CAGE1: variants seen among roughly 807,000 people sequenced by gnomAD.
CAGE1 encodes cancer antigen 1, also known as cancer-associated gene 1 protein.
A neutral mutation model predicts 94.9 loss-of-function variants in CAGE1; 66 were observed. The observed-to-expected ratio is 0.70, with a 90% CI of 0.57 to 0.85. The LOEUF is 0.85. CAGE1 is among the 40% of genes least tolerant of loss of function. CAGE1 has a pLI of 0.00. For synonymous variants in CAGE1, 319 were observed against 321.0 expected (o/e 0.99, Z 0.07); for missense variants, 865 against 950.4 (o/e 0.91, Z 1.18).
intron 7 of CAGE1, among the ~76,000 whole-genome samples, chr6:7,366,173 G>A (rs1381503188): frequency 6.6e-6 from 1 of 151,082 alleles, no homozygotes; most frequent in African/African-American, 2.4e-5. Flanking sequence ...TTGAACCTGG[G>A]AGGCGGAGGT....
At chr6:7,389,094 AC>A (rs993362823) in intron 1 of CAGE1, 107 bp downstream of exon 1, 1 of 342,686 alleles carries the variant, frequency 2.9e-6, no homozygotes, top group Non-Finnish European at 5.9e-6. Flanking sequence ...TGTTCCAGAG[AC>A]ATTCTAAAGC....
chr6:7,387,351 G>A (rs768418349), intron 1 of CAGE1, among the ~76,000 whole-genome samples, 155 bp from the exon 2 acceptor site: 41 of 152,128 alleles, frequency 2.7e-4, no homozygotes, highest in Non-Finnish European at 4.4e-5. Context: ...TGAGTATACC[G>A]TAATTTGGTA....
intron 12 of CAGE1, among the ~76,000 whole-genome samples, chr6:7,333,199 C>T (rs893115215): frequency 1.7e-4 from 26 of 152,110 alleles, no homozygotes; most frequent in African/African-American, 6.3e-4. Flanking sequence ...GATTCACCCG[C>T]CTCAGTCTCC....
Position 7,387,003 on chromosome 6 carries a change from G to A in CAGE1, c.171C>T (p.Thr57=), listed in dbSNP as rs9406026. 542,710 of 1,549,774 alleles carry A rather than the reference G, an allele frequency of 0.35. 96,420 individuals carry two copies. Among genetic ancestry groups the A allele is most frequent in the Admixed American group, 0.46 (23,263 of 50,984 alleles). Residue 57 remains threonine, a synonymous_variant, in exon 2 of 14, where the codon ACC becomes ACT. Coordinates refer to ENST00000502583, the MANE Select transcript of CAGE1 (RefSeq NM_001170692.2). ...LSHSPICMET[T]GTTCDLPQNE... Reference sequence around the variant, plus strand: ...CCTGAGGCAAGTCACAAGTGGTGCCGGTGGTTTCCATACAGATTGGAGAAT... The same window carrying A: ...CCTGAGGCAAGTCACAAGTGGTGCCAGTGGTTTCCATACAGATTGGAGAAT...
intron 12 of CAGE1, 144 bp from the exon 13 acceptor site, chr6:7,330,032 C>T (rs978833557): frequency 1.8e-6 from 1 of 567,002 alleles, no homozygotes; most frequent in African/African-American, 1.9e-5. Flanking sequence ...CTATGAGACC[C>T]TCAGAGATTA....
intron 11 of CAGE1, among the ~76,000 whole-genome samples, chr6:7,342,348 C>T (rs536259887): frequency 6.6e-6 from 1 of 152,266 alleles, no homozygotes; most frequent in East Asian, 1.9e-4. Context: ...ATTCTTCCAG[C>T]GGCAGGGCCC....
Position 7,329,887 on chromosome 6 carries a change from A to T in CAGE1, c.2440T>A (p.Ser814Thr), listed in dbSNP as rs774887215. ...KPREKARKPR[S>T]KSLENHPKSM... ...TTCGGATGATTTTCTAAGCTTTTTG[A>T]TCTGTAAGAAATAGAAAGAAAATAA... Residue 814 changes from serine (S) to threonine (T), a missense_variant and splice_region_variant, in exon 13 of 14, where the codon TCA (serine) becomes ACA (threonine). Ser to Thr is a moderately conservative substitution (Grantham distance 58). Coordinates refer to ENST00000502583, the MANE Select transcript of CAGE1 (RefSeq NM_001170692.2). The T allele has an allele frequency of 7.1e-7, 1 of 1,408,908 alleles. No homozygotes were observed. The highest frequency in any genetic ancestry group is 9.9e-7 in the Non-Finnish European group (1 of 1,008,688). 87.3% of individuals were successfully genotyped at this position (1,408,908 alleles called of 1,614,324 possible).
Position 7,378,896 on chromosome 6 carries a change from T to C in CAGE1, c.408A>G (p.Glu136=). ...KFHWVEAFDD[E]MTEKPEFQSQ... ...TTTGAAATTCTGGCTTCTCTGTCAT[T>C]TCATCATCAAATGCTTCTACCCAGT... The change falls in exon 4 of 14, where the codon GAA becomes GAG. Residue 136 remains glutamate (E), a synonymous_variant. Coordinates refer to ENST00000502583, the MANE Select transcript of CAGE1 (RefSeq NM_001170692.2). 1.2e-6 allele frequency: 2 copies of C among 1,609,938 alleles called. No individual in the cohort carries two copies. The highest frequency in any genetic ancestry group is 1.7e-6 in the Non-Finnish European group (2 of 1,177,550).
chr6:7,361,742 G>A (rs1008479733), intron 9 of CAGE1, among the ~76,000 whole-genome samples: 6 of 152,202 alleles, frequency 3.9e-5, no homozygotes, highest in African/African-American at 1.4e-4. Flanking sequence ...GAGGGATAGA[G>A]TCAGAGTATC....
chr6:7,357,338 AGTAGAAAATG>A (rs1249761549), intron 9 of CAGE1, among the ~76,000 whole-genome samples: 28 of 152,232 alleles, frequency 1.8e-4, no homozygotes, highest in Non-Finnish European at 2.9e-4. Flanking sequence ...AGACTTTTGA[AGTAGAAAATG>A]TTAGGCTCTT....
chr6:7,337,538 G>A (rs1019083307), intron 11 of CAGE1, among the ~76,000 whole-genome samples: 1 of 151,998 alleles, frequency 6.6e-6, no homozygotes, highest in Non-Finnish European at 1.5e-5. Context: ...AGTTTACTTC[G>A]TATGTGGTGG....
rs372516206 is a variant in CAGE1, at chr6:7,373,598, C to T, written c.1221G>A (p.Gln407=). Residue 407 remains glutamine (Q), a synonymous_variant, in exon 5 of 14, where the codon CAG becomes CAA. Transcript: ENST00000502583. ...QESRNDKEML[Q]LQFKKIKANY... ...TAGCCTTGATCTTCTTAAATTGAAG[C>T]TGTAACATTTCCTTGTCATTCCTGG... 2.1e-5 allele frequency: 34 copies of T among 1,613,306 alleles called. No homozygotes were observed. The highest frequency in any genetic ancestry group is 3.3e-5 in the Admixed American group (2 of 59,994).
intron 3 of CAGE1, among the ~76,000 whole-genome samples, chr6:7,384,885 A>G (rs950834316): frequency 6.6e-6 from 1 of 152,074 alleles, no homozygotes; most frequent in African/African-American, 2.4e-5. Flanking sequence ...TTTAGTAGAG[A>G]CGGGGTTTCG....
At chr6:7,344,955 G>A (rs567982072) in intron 11 of CAGE1, among the ~76,000 whole-genome samples, 3 of 152,242 alleles carry the variant, frequency 2.0e-5, no homozygotes, top group East Asian at 1.9e-4. Flanking sequence ...ACCAATCAGC[G>A]CCCTGTCAAA....
At chr6:7,370,121 T>G in intron 5 of CAGE1, 56 bp from the exon 6 acceptor site, 1 of 1,386,194 alleles carries the variant, frequency 7.2e-7, no homozygotes, top group Non-Finnish European at 9.7e-7. Flanking sequence ...TGAAATATCT[T>G]TTAAGTAAAA....
At chr6:7,327,041 T>A (rs1202261338) in intron 13 of CAGE1, 142 bp from the exon 14 acceptor site, 2 of 662,812 alleles carry the variant, frequency 3.0e-6, no homozygotes, top group Non-Finnish European at 5.4e-6. Flanking sequence ...CCACAGATAA[T>A]ACCAACACTA....
Position 7,389,533 on chromosome 6 carries a change from T to C in CAGE1, c.-355A>G, listed in dbSNP as rs1047510119. On this transcript the variant is annotated 5_prime_UTR_variant, in exon 1 of 14. Transcript: ENST00000502583. ...GTGGGTGCGGTGTCTTCCCAGAGAG[T>C]GGTGAAGTTAGGAAGGTACGACCCC... 6 of 345,476 alleles carry C rather than the reference T, an allele frequency of 1.7e-5. No homozygotes were observed. The highest frequency in any genetic ancestry group is 1.3e-4 in the African/African-American group (6 of 46,068). The allele number at this position is 345,476 out of a possible 1,614,324, so 21.4% of individuals were successfully genotyped here.
intron 11 of CAGE1, among the ~76,000 whole-genome samples, chr6:7,346,857 C>CA (rs71780305): frequency 7.5e-4 from 90 of 119,854 alleles, no homozygotes; most frequent in South Asian, 8.6e-4. Flanking sequence ...GACTCTATCT[C>CA]AAAAAAAAAA....
chr6:7,333,671 T>TATAC (rs1554136128), intron 12 of CAGE1, among the ~76,000 whole-genome samples: 2 of 91,612 alleles, frequency 2.2e-5, no homozygotes, highest in Non-Finnish European at 4.0e-5. Context: ...TATATATATA[T>TATAC]ATACATTTTT....
Sources: gnomAD v4.1 joint callset for allele counts (sites outside exome capture counted in the v4.1 genomes callset) on GRCh38, gnomAD v4.1.1 for gene constraint, MANE v1.5 for transcripts, NCBI Gene and HGNC (gene_info 2026-07-23, HGNC 2026-07-21) for gene names.